Variants in ARHGAP19 observed in about 807,000 individuals in gnomAD.
The protein encoded by ARHGAP19 is rho GTPase-activating protein 19.
ARHGAP19 carries 48 observed loss-of-function variants against 60.9 expected under a neutral mutation model. That is an observed-to-expected ratio of 0.79 (90% CI 0.62 to 1.00). ARHGAP19 has a LOEUF of 1.00. ARHGAP19 is among the 50% of genes least tolerant of loss of function. ARHGAP19 has a pLI of 0.00. For missense variants in ARHGAP19, 562 were observed against 597.2 expected (o/e 0.94, Z 0.61); for synonymous variants, 209 against 215.5 (o/e 0.97, Z 0.27).
chr10:97,259,722 A>C, intron 4 of ARHGAP19, 94 bp from the exon 5 acceptor site: 10 of 857,622 alleles, frequency 1.2e-5, no homozygotes, highest in Non-Finnish European at 1.9e-5. Context: ...CTCCCATCAA[A>C]GAAAGAGGGA....
chr10:97,282,722 T>C (rs1843101002), intron 1 of ARHGAP19, among the ~76,000 whole-genome samples: 1 of 152,196 alleles, frequency 6.6e-6, no homozygotes, highest in African/African-American at 2.4e-5. Flanking sequence ...TCTATTTCTA[T>C]ATTTCTTAGA....
At position 97,223,034 on chromosome 10, in the gene ARHGAP19, G is replaced by A. The variant is rs1031094876; in HGVS notation, c.*3088C>T. 2.6e-5 allele frequency: 4 copies of A among 152,198 alleles called. No homozygotes were observed. The highest frequency in any genetic ancestry group is 9.7e-5 in the African/African-American group (4 of 41,436). 9.4% of individuals were successfully genotyped at this position (152,198 alleles called of 1,614,324 possible). A position where few individuals can be genotyped will look rare whatever the true frequency, so the allele number is the denominator to read the frequency against. On this transcript the variant is annotated 3_prime_UTR_variant, in exon 12 of 12. Coordinates refer to ENST00000358531, the MANE Select transcript of ARHGAP19 (RefSeq NM_032900.6). ...TGAACAGAAACGTTCCTACTCAGGA[G>A]GAGAGAATGGCTCTGTTCTGACACT...
At chr10:97,228,039 T>C (rs1036500413) in intron 11 of ARHGAP19, among the ~76,000 whole-genome samples, 1 of 152,194 alleles carries the variant, frequency 6.6e-6, no homozygotes, top group Non-Finnish European at 1.5e-5. Flanking sequence ...TACAGAAATA[T>C]TTAGACACAA....
intron 5 of ARHGAP19, 48 bp downstream of exon 5, chr10:97,259,354 C>T (rs970843619): frequency 1.4e-6 from 2 of 1,454,896 alleles, no homozygotes. Context: ...AGAATGAGGC[C>T]CAGCCCAAGA....
chr10:97,245,020 T>A (rs1334203434), intron 7 of ARHGAP19, among the ~76,000 whole-genome samples: 1 of 152,032 alleles, frequency 6.6e-6, no homozygotes, highest in Non-Finnish European at 1.5e-5. Flanking sequence ...TTTTTCATTT[T>A]TTTGAGATGG....
chr10:97,289,561 C>A (rs1038124081), intron 1 of ARHGAP19, among the ~76,000 whole-genome samples: 5 of 152,052 alleles, frequency 3.3e-5, no homozygotes, highest in African/African-American at 9.7e-5. Context: ...TCAGGCCAGG[C>A]GCAGTGGCTG....
intron 8 of ARHGAP19, among the ~76,000 whole-genome samples, chr10:97,236,021 G>C (rs1041097877): frequency 6.6e-6 from 1 of 152,112 alleles, no homozygotes; most frequent in African/African-American, 2.4e-5. Flanking sequence ...CTGTTGCCAG[G>C]CTGGAGCGCA....
At chr10:97,245,506 C>T (rs532606732) in intron 7 of ARHGAP19, among the ~76,000 whole-genome samples, 2 of 150,842 alleles carry the variant, frequency 1.3e-5, no homozygotes, top group Non-Finnish European at 2.9e-5. Context: ...CTGTAGTCCC[C>T]AGCTACTCAG....
chr10:97,283,060 C>G (rs913357196), intron 1 of ARHGAP19, among the ~76,000 whole-genome samples: 1 of 151,382 alleles, frequency 6.6e-6, no homozygotes, highest in Non-Finnish European at 1.5e-5. Context: ...CCAGGCTGGT[C>G]TTGAACTCCT....
chr10:97,285,473 C>T (rs1253396), intron 1 of ARHGAP19, among the ~76,000 whole-genome samples: 38,685 of 146,410 alleles, frequency 0.26, 5,226 homozygotes, highest in South Asian at 0.3. Flanking sequence ...GCTGGGACTG[C>T]GGGTATGTGC....
At chr10:97,265,743 A>G in intron 2 of ARHGAP19, 117 bp downstream of exon 2, 2 of 1,391,372 alleles carry the variant, frequency 1.4e-6, no homozygotes, top group South Asian at 2.8e-5. Context: ...AAAAACTGAA[A>G]AAATGGCCAA....
chr10:97,259,828 CTGTTT>C (rs113068001), intron 4 of ARHGAP19, among the ~76,000 whole-genome samples, 200 bp from the exon 5 acceptor site: 6,450 of 148,922 alleles, frequency 0.043, 204 homozygotes, highest in Non-Finnish European at 0.061. Flanking sequence ...ATTAAAAAAC[CTGTTT>C]TGTTTTGTTT....
intron 4 of ARHGAP19, among the ~76,000 whole-genome samples, chr10:97,261,392 G>A (rs1305779008): frequency 6.6e-6 from 1 of 152,192 alleles, no homozygotes; most frequent in Non-Finnish European, 1.5e-5. Flanking sequence ...GCCTCAGTAT[G>A]TTCTCAAAGA....
chr10:97,284,516 G>A (rs1328370223), intron 1 of ARHGAP19, among the ~76,000 whole-genome samples: 2 of 152,028 alleles, frequency 1.3e-5, no homozygotes, highest in Non-Finnish European at 2.9e-5. Flanking sequence ...GTATATACTG[G>A]GGGTTTTTTG....
At chr10:97,229,967 T>A in intron 9 of ARHGAP19, 93 bp from the exon 10 acceptor site, 1 of 907,012 alleles carries the variant, frequency 1.1e-6, no homozygotes, top group Non-Finnish European at 1.7e-6. Context: ...GTCCTTGGGT[T>A]AAAAAAATCT....
In ARHGAP19 at chr10:97,224,922, G is replaced by C. The variant is rs1850867910; in HGVS notation, c.*1200C>G. Reference sequence around the variant, plus strand: ...CCACCTGTGTCCCTTCTGACAAAGAGAGGGCGGAACAGTAACACTCCTTGA... The same window carrying C: ...CCACCTGTGTCCCTTCTGACAAAGACAGGGCGGAACAGTAACACTCCTTGA... On this transcript the variant is annotated 3_prime_UTR_variant, in exon 12 of 12. Coordinates refer to ENST00000358531, the MANE Select transcript of ARHGAP19 (RefSeq NM_032900.6). 6.6e-6 allele frequency: 1 copy of C among 152,400 alleles called. No individual in the cohort carries two copies. The highest frequency in any genetic ancestry group is 1.5e-5 in the Non-Finnish European group (1 of 68,176). The allele number at this position is 152,400 out of a possible 1,614,324, so 9.4% of individuals were successfully genotyped here. A position where few individuals can be genotyped will look rare whatever the true frequency, so the allele number is the denominator to read the frequency against.
intron 2 of ARHGAP19, chr10:97,265,626 T>A (rs1842888014): frequency 5.9e-6 from 3 of 508,368 alleles, no homozygotes; most frequent in Non-Finnish European, 1.0e-5. Flanking sequence ...CCTAAGTTAA[T>A]CATGTCTTCT....
intron 1 of ARHGAP19, among the ~76,000 whole-genome samples, chr10:97,289,592 T>C (rs1451707292): frequency 2.0e-5 from 3 of 151,926 alleles, no homozygotes; most frequent in Non-Finnish European, 4.4e-5. Context: ...TCCCAGCACT[T>C]TGGGAGCCCA....
Position 97,250,577 on chromosome 10 carries a change from C to T in ARHGAP19, c.928-4240G>A, listed in dbSNP as rs983536062. On this transcript the variant is annotated intron_variant, in intron 6 of 11. Transcript: ENST00000358531. ...TTTTGTAGTAGAGATGGGGTTTCACCGTGTTGACTAGGCTGGTCTTGAACT... is the reference window on the plus strand; with the variant it reads ...TTTTGTAGTAGAGATGGGGTTTCACTGTGTTGACTAGGCTGGTCTTGAACT... Among the ~76,000 whole-genome samples, 18 of 151,440 alleles carry T rather than the reference C, an allele frequency of 1.2e-4. 1 individual carries two copies. The highest frequency in any genetic ancestry group is 4.1e-4 in the African/African-American group (17 of 41,320).
Sources: allele counts gnomAD v4.1 joint callset (sites outside exome capture counted in the v4.1 genomes callset), GRCh38; gene constraint gnomAD v4.1.1; transcripts MANE v1.5; gene names NCBI Gene and HGNC (gene_info 2026-07-23, HGNC 2026-07-21).